The following ATP13A4 variants were observed in gnomAD, a reference collection of about 807,000 sequenced individuals.
ATP13A4 encodes ATPase 13A4, also known as probable cation-transporting ATPase 13A4.
Under a neutral mutation model 142.5 loss-of-function variants are expected in ATP13A4, and 114 were observed. That is an observed-to-expected ratio of 0.80 (90% CI 0.69 to 0.93). The LOEUF is 0.93. Among genes scored for constraint, ATP13A4 ranks in the 40% least tolerant of loss-of-function variants. The pLI is 0.00. For synonymous variants in ATP13A4, 488 were observed against 514.8 expected, an observed-to-expected ratio of 0.95 and a Z score of 0.70; for missense variants, 1,392 against 1,454.0, an observed-to-expected ratio of 0.96 and a Z score of 0.69.
rs1553862256 is a variant in ATP13A4 at position 193,573,292 on chromosome 3, C to CTTATATATATATGTGT, written n.291+8414_291+8415insACACATATATATATAA. ...ATATATATACATATATATATATACACATATATATATATATACATATATATA... is the reference window on the plus strand; with the variant it reads ...ATATATATACATATATATATATACACTTATATATATATGTGTATATATATATATATACATATATATA... On this transcript the variant is annotated intron_variant and non_coding_transcript_variant, in intron 2 of 3. Coordinates refer to the ATP13A4 transcript ENST00000489140. Among the ~76,000 whole-genome samples the CTTATATATATATGTGT allele has an allele frequency of 1.7e-4, 18 of 107,858 alleles. 1 individual carries two copies. The highest frequency in any genetic ancestry group is 6.4e-4 in the African/African-American group (14 of 21,746). 70.8% of individuals were successfully genotyped at this position (107,858 alleles called of 152,430 possible).
chr3:193,417,507 A>G lies in ATP13A4; in HGVS notation c.2843-2757T>C, dbSNP rs146979940. ...AGGTGTTAATTCAAACTACACTGTT[A>G]TAAATTTAGAATGTTTCATGTCATC... On this transcript the variant is annotated intron_variant, in intron 25 of 29. Coordinates refer to ENST00000342695, the MANE Select transcript of ATP13A4 (RefSeq NM_032279.4). Among the ~76,000 whole-genome samples, 970 of 152,336 alleles carry G rather than the reference A, an allele frequency of 6.4e-3. 9 individuals are homozygous for G. The highest frequency in any genetic ancestry group is 0.021 in the African/African-American group (892 of 41,582).
chr3:193,579,523 T>C (rs982864499), intron 2 of ATP13A4: 1 of 147,798 alleles, frequency 6.8e-6, no homozygotes, highest in Non-Finnish European at 1.5e-5. Context: ...ATTCTTACTA[T>C]AGGTAGTGTT....
At chr3:193,497,382 C>T (rs1456794735) in intron 3 of ATP13A4, among the ~76,000 whole-genome samples, 1 of 152,108 alleles carries the variant, frequency 6.6e-6, no homozygotes, top group Non-Finnish European at 1.5e-5. Flanking sequence ...CACCTCACTC[C>T]AGTTAGAATG....
intron 1 of ATP13A4, among the ~76,000 whole-genome samples, chr3:193,588,623 C>A (rs1724708613): frequency 6.6e-6 from 1 of 152,196 alleles, no homozygotes; most frequent in South Asian, 2.1e-4. Context: ...CCCTCAGTTT[C>A]CCTCTTTACA....
chr3:193,521,591 G>C (rs1420876874), intron 1 of ATP13A4, among the ~76,000 whole-genome samples: 1 of 152,130 alleles, frequency 6.6e-6, no homozygotes, highest in Admixed American at 6.5e-5. Flanking sequence ...GTTTGTGTAC[G>C]CTACTCTAGA....
At chr3:193,528,018 T>C (rs1301980793) in intron 1 of ATP13A4, among the ~76,000 whole-genome samples, 1 of 152,224 alleles carries the variant, frequency 6.6e-6, no homozygotes, top group Non-Finnish European at 1.5e-5. Flanking sequence ...CTCTCGTCCG[T>C]TGAGATGCCT....
At chr3:193,433,439 T>C (rs969346260) in intron 25 of ATP13A4, among the ~76,000 whole-genome samples, 3 of 152,196 alleles carry the variant, frequency 2.0e-5, no homozygotes, top group Non-Finnish European at 4.4e-5. Context: ...TTAAGCTTCA[T>C]TCTAAATCCT....
At chr3:193,473,520 T>A (rs1315912017) in intron 8 of ATP13A4, among the ~76,000 whole-genome samples, 1 of 152,200 alleles carries the variant, frequency 6.6e-6, no homozygotes, top group African/African-American at 2.4e-5. Flanking sequence ...ATGAAGATGG[T>A]TTATTTATAT....
intron 16 of ATP13A4, among the ~76,000 whole-genome samples, chr3:193,455,234 G>A (rs1055051979): frequency 5.9e-5 from 9 of 151,706 alleles, no homozygotes; most frequent in Non-Finnish European, 1.3e-4. Context: ...CCAACTACTA[G>A]GAGGGCTGAG....
At chr3:193,548,542 A>G (rs997379978) in intron 1 of ATP13A4, among the ~76,000 whole-genome samples, 1 of 152,230 alleles carries the variant, frequency 6.6e-6, no homozygotes, top group Non-Finnish European at 1.5e-5. Flanking sequence ...AAAATGTCTC[A>G]GCCTGAACAC....
At chr3:193,539,174 T>C (rs990124587) in intron 1 of ATP13A4, among the ~76,000 whole-genome samples, 3 of 152,246 alleles carry the variant, frequency 2.0e-5, no homozygotes, top group East Asian at 1.9e-4. Flanking sequence ...TGCCCGGCCA[T>C]AGGTGGCTAT....
Position 193,474,648 on chromosome 3 carries a change from GAAGA to G in ATP13A4, c.809-3659_809-3656del, listed in dbSNP as rs369712591. Among the ~76,000 whole-genome samples, 292 of 127,312 alleles carry G rather than the reference GAAGA, an allele frequency of 2.3e-3. 1 individual carries two copies. Among genetic ancestry groups the G allele is most frequent in the Non-Finnish European group, 3.3e-3 (195 of 59,560 alleles). 83.5% of individuals were successfully genotyped at this position (127,312 alleles called of 152,430 possible). The stretch of plus-strand genomic sequence containing the variant: ...AGAGAGAGACGAGAAAGAAAGAAAG[GAAGA>G]AAGAAAGAAAGAAAGAAAAAGAAAG... On this transcript the variant is annotated intron_variant, in intron 8 of 29. Coordinates refer to ENST00000342695, the MANE Select transcript of ATP13A4 (RefSeq NM_032279.4).
Position 193,466,121 on chromosome 3 carries a change from A to T in ATP13A4, c.1176T>A (p.Phe392Leu). 2.5e-6 allele frequency: 4 copies of T among 1,614,142 alleles called. No individual in the cohort carries two copies. The highest frequency in any genetic ancestry group is 1.3e-5 in the African/African-American group (1 of 75,042). ...RSILYPKPVN[F>L]QLYRDAIRFL... is the part of the protein sequence containing the mutation. ...ACCTGATGGCATCCCTGTACAACTG[A>T]AAATTCACTGGCTTAGGGTAGAGAA... The change falls in exon 11 of 30, where the codon TTT (phenylalanine) becomes TTA (leucine). Residue 392 changes from phenylalanine to leucine, a missense_variant. Phe to Leu is a conservative substitution (Grantham distance 22). Coordinates refer to ENST00000342695, the MANE Select transcript of ATP13A4 (RefSeq NM_032279.4).
At chr3:193,544,213 C>T (rs1224690309) in intron 1 of ATP13A4, among the ~76,000 whole-genome samples, 1 of 152,150 alleles carries the variant, frequency 6.6e-6, no homozygotes, top group African/African-American at 2.4e-5. Flanking sequence ...TCTGCCAGGA[C>T]ACAAGCAAAA....
chr3:193,513,577 G>A (rs1448121624), intron 2 of ATP13A4, among the ~76,000 whole-genome samples: 2 of 152,146 alleles, frequency 1.3e-5, no homozygotes, highest in South Asian at 2.1e-4. Context: ...CAATTAACAC[G>A]TTAGAAATGC....
chr3:193,492,102 T>C (rs1719976807), intron 5 of ATP13A4, among the ~76,000 whole-genome samples: 1 of 152,194 alleles, frequency 6.6e-6, no homozygotes. Context: ...AATGTTTATA[T>C]AGATCATGTG....
Position 193,414,699 on chromosome 3 carries a change from C to A in ATP13A4, c.2894G>T (p.Arg965Leu), listed in dbSNP as rs751951657. Residue 965 changes from arginine (R) to leucine (L), a missense_variant, in exon 26 of 30, where the codon CGG (arginine) becomes CTG (leucine). Transcript: ENST00000342695. ...GAGTAGCAGAGGTGGAGAGATCAGC[C>A]GTCCTGCAGGTCTGAAAGGCACCAG... ...PKLVPFRPAG[R>L]LISPPLLLSV... 6.2e-7 allele frequency: 1 copy of A among 1,614,054 alleles called. No homozygotes were observed. The highest frequency in any genetic ancestry group is 8.5e-7 in the Non-Finnish European group (1 of 1,180,000).
In ATP13A4 at chr3:193,402,384, CTCTTGGCCCATAGAAAT is replaced by C; in HGVS notation, c.*251_*267del. 8.9e-6 allele frequency: 4 copies of C among 450,320 alleles called. No individual in the cohort carries two copies. Among genetic ancestry groups the C allele is most frequent in the Non-Finnish European group, 1.6e-5 (4 of 246,376 alleles). The allele number at this position is 450,320 out of a possible 1,614,324, so 27.9% of individuals were successfully genotyped here. ...TATTTTTCCCCTTTAGCCTGCTTGT[CTCTTGGCCCATAGAAAT>C]TCTTGGCCCATTCTTGCCTTCACTG... On this transcript the variant is annotated 3_prime_UTR_variant, in exon 30 of 30. Coordinates refer to ENST00000342695, the MANE Select transcript of ATP13A4 (RefSeq NM_032279.4).
At chr3:193,404,169 G>T (rs1160060637) in intron 29 of ATP13A4, 27 of 984,892 alleles carry the variant, frequency 2.7e-5, no homozygotes, top group Non-Finnish European at 3.1e-5. Context: ...TCTTAGAGCT[G>T]GGATAAGGCA....
Sources: gnomAD v4.1 joint callset for allele counts (sites outside exome capture counted in the v4.1 genomes callset) on GRCh38, gnomAD v4.1.1 for gene constraint, MANE v1.5 for transcripts, NCBI Gene and HGNC (gene_info 2026-07-23, HGNC 2026-07-21) for gene names.